The following APOB variants were observed in gnomAD, a reference collection of about 807,000 sequenced individuals.
APOB encodes apolipoprotein B.
APOB carries 153 observed loss-of-function variants against 314.1 expected under a neutral mutation model. The observed-to-expected ratio is 0.49, with a 90% CI of 0.43 to 0.56. The LOEUF is 0.56. APOB is among the 20% of genes least tolerant of loss of function. The pLI, the probability that APOB is intolerant of heterozygous loss-of-function variation, is 0.00. For synonymous variants in APOB, 2,087 were observed against 2,036.4 expected (o/e 1.02, Z -0.67); for missense variants, 5,430 against 5,350.7 (o/e 1.01, Z -0.46).
Position 21,019,749 on chromosome 2 carries a change from G to A in APOB, c.2973C>T (p.Ser991=). The change falls in exon 19 of 29, where the codon TCC becomes TCT. Residue 991 remains serine (S), a synonymous_variant. Coordinates refer to ENST00000233242, the MANE Select transcript of APOB (RefSeq NM_000384.3). ...TGGTGTCCCCGGTCAGCGGATAGTA[G>A]GAGGCGGAGTCTGTGGAGCTGGCGT... ...YSNASSTDSA[S]YYPLTGDTRL... The A allele has an allele frequency of 6.2e-7, 1 of 1,614,184 alleles. No homozygotes were observed. Among genetic ancestry groups the A allele is most frequent in the African/African-American group, 1.3e-5 (1 of 75,052 alleles).
At chr2:21,021,638 T>C (rs1663608216) in intron 18 of APOB, among the ~76,000 whole-genome samples, 1 of 152,192 alleles carries the variant, frequency 6.6e-6, no homozygotes, top group Non-Finnish European at 1.5e-5. Flanking sequence ...CCTTGAACCA[T>C]ATTCCTTTAC....
chr2:21,016,999 A>T (rs1189682225), intron 20 of APOB, among the ~76,000 whole-genome samples: 18 of 124,442 alleles, frequency 1.4e-4, no homozygotes, highest in Admixed American at 5.9e-4. Flanking sequence ...ATAAATAAAT[A>T]AATAAATAAA....
Position 21,010,981 on chromosome 2 carries a change from C to T in APOB, c.5887G>A (p.Ala1963Thr). ...HLVSRKSISA[A>T]LEHKVSALLT... ...AGGGCACTGACTTTGTGTTCAAGAG[C>T]TGCACTGATGCTTTTCCTAGACACG... Residue 1963 changes from alanine to threonine, a missense_variant, in exon 26 of 29, where the codon GCT becomes ACT. Transcript: ENST00000233242. The T allele has an allele frequency of 1.9e-6, 3 of 1,614,176 alleles. No individual in the cohort carries two copies. Among genetic ancestry groups the T allele is most frequent in the Non-Finnish European group, 2.5e-6 (3 of 1,180,034 alleles).
chr2:21,032,953 A>G (rs1365695995), intron 9 of APOB, among the ~76,000 whole-genome samples: 1 of 152,036 alleles, frequency 6.6e-6, no homozygotes, highest in Non-Finnish European at 1.5e-5. Context: ...GAGAAATCAT[A>G]TTATATTTTT....
intron 18 of APOB, among the ~76,000 whole-genome samples, chr2:21,020,571 C>T (rs541773803): frequency 2.0e-5 from 3 of 152,200 alleles, no homozygotes; most frequent in African/African-American, 4.8e-5. Flanking sequence ...CATAGAGTTG[C>T]GCACTCATGA....
At chr2:21,037,896 T>A in intron 5 of APOB, 62 bp downstream of exon 5, 1 of 1,586,486 alleles carries the variant, frequency 6.3e-7, no homozygotes, top group Non-Finnish European at 8.7e-7. Context: ...ATGGTAGGAC[T>A]GGTCTCTAAC....
chr2:21,010,144 C>T lies in APOB; in HGVS notation c.6724G>A (p.Gly2242Arg), dbSNP rs1254785290. 2 of 1,605,988 alleles carry T rather than the reference C, an allele frequency of 1.2e-6. No homozygotes were observed. Among genetic ancestry groups the T allele is most frequent in the East Asian group, 2.2e-5 (1 of 44,660 alleles). ...TGAATCCAGGATGCAGTACTACTTC[C>T]ACTTTTGTTAAAATCAATATTTTCA... ...FIENIDFNKS[G>R]SSTASWIQNV... Residue 2242 changes from glycine (G) to arginine (R), a missense_variant, in exon 26 of 29, where the codon GGA (glycine) becomes AGA (arginine). Around this residue, in one of 3 missense-constraint regions of APOB, gnomAD observed 3,281 missense variants for 3,171.0 expected, o/e 1.03. Coordinates refer to ENST00000233242, the MANE Select transcript of APOB (RefSeq NM_000384.3).
rs1441551559 is a variant in APOB at position 21,002,859 on chromosome 2, T to A, written c.12563A>T (p.His4188Leu). ...AAAATCAATGAGTGAGTCAATCAGA[T>A]GCTTGACTTTCATATGGAATTCTTG... Reference protein sequence around the residue: ...VTQEFHMKVKHLIDSLIDFLN... With the variant: ...VTQEFHMKVKLLIDSLIDFLN... The change falls in exon 29 of 29, where the codon CAT becomes CTT. Residue 4188 changes from histidine to leucine, a missense_variant. This residue lies in a region of APOB where 3,281 missense variants were observed against 3,171.0 expected (regional missense o/e 1.03). Coordinates refer to ENST00000233242, the MANE Select transcript of APOB (RefSeq NM_000384.3). The A allele has an allele frequency of 6.2e-7, 1 of 1,613,558 alleles. No individual in the cohort carries two copies. The highest frequency in any genetic ancestry group is 8.5e-7 in the Non-Finnish European group (1 of 1,179,820).
At position 21,008,286 on chromosome 2, in the gene APOB, T is replaced by G; in HGVS notation, c.8582A>C (p.His2861Pro). The G allele has an allele frequency of 6.2e-7, 1 of 1,613,758 alleles. No homozygotes were observed. The highest frequency in any genetic ancestry group is 8.5e-7 in the Non-Finnish European group (1 of 1,179,706). ...AAGCTCCAGTGTATTTTTTTCTGTGTGTAAACTTGCCACTGTGTTTGATTT... is the reference window on the plus strand; with the variant it reads ...AAGCTCCAGTGTATTTTTTTCTGTGGGTAAACTTGCCACTGTGTTTGATTT... Reference protein sequence around the residue: ...EGKSNTVASLHTEKNTLELSN... With the variant: ...EGKSNTVASLPTEKNTLELSN... Residue 2861 changes from histidine to proline, a missense_variant, in exon 26 of 29, where the codon CAC becomes CCC. Physicochemically the swap from His to Pro is moderately conservative, Grantham distance 77. This residue lies in a region of APOB where 3,281 missense variants were observed against 3,171.0 expected (regional missense o/e 1.03). Coordinates refer to ENST00000233242, the MANE Select transcript of APOB (RefSeq NM_000384.3).
chr2:21,009,365 A>G lies in APOB; in HGVS notation c.7503T>C (p.Ser2501=). 1 of 1,614,094 alleles carries G rather than the reference A, an allele frequency of 6.2e-7. No individual in the cohort carries two copies. Among genetic ancestry groups the G allele is most frequent in the Non-Finnish European group, 8.5e-7 (1 of 1,179,968 alleles). Residue 2501 remains serine (S), a synonymous_variant, in exon 26 of 29, where the codon AGT becomes AGC. Transcript: ENST00000233242. ...CCTTCATGTGAGCCAAAGATGCTGAACTTAAAGCCTCCTGTAACCAATTGA... is the reference window on the plus strand; with the variant it reads ...CCTTCATGTGAGCCAAAGATGCTGAGCTTAAAGCCTCCTGTAACCAATTGA... ...LIINWLQEAL[S]SASLAHMKAK...
chr2:21,014,352 TC>T (rs1262736787), intron 24 of APOB, 95 bp downstream of exon 24: 2 of 1,444,562 alleles, frequency 1.4e-6, no homozygotes, highest in Non-Finnish European at 1.9e-6. Flanking sequence ...TTAAATTATT[TC>T]CTTTAAAAAT....
Position 21,008,341 on chromosome 2 carries a change from T to G in APOB, c.8527A>C (p.Met2843Leu), listed in dbSNP as rs1294025132. ...KYLRTEHGSEMLFFGNAIEGK... is the reference protein window; with the variant it reads ...KYLRTEHGSELLFFGNAIEGK... ...TCAATAGCATTTCCAAAAAACAGCA[T>G]TTCACTCCCATGCTCCGTTCTCAGG... The change falls in exon 26 of 29, where the codon ATG becomes CTG. Residue 2843 changes from methionine (M) to leucine (L), a missense_variant. Physicochemically the swap from Met to Leu is conservative, Grantham distance 15. This residue lies in a region of APOB where 3,281 missense variants were observed against 3,171.0 expected (regional missense o/e 1.03). Coordinates refer to ENST00000233242, the MANE Select transcript of APOB (RefSeq NM_000384.3). 2.5e-6 allele frequency: 4 copies of G among 1,613,424 alleles called. No individual in the cohort carries two copies. The highest frequency in any genetic ancestry group is 2.2e-5 in the East Asian group (1 of 44,870).
At chr2:21,037,876 T>A in intron 5 of APOB, 82 bp downstream of exon 5, 1 of 1,545,422 alleles carries the variant, frequency 6.5e-7, no homozygotes, top group South Asian at 1.1e-5. Context: ...CTCAGTGATC[T>A]GCTTTGTATA....
Position 21,010,209 on chromosome 2 carries a change from A to G in APOB, c.6659T>C (p.Val2220Ala), listed in dbSNP as rs374736992. The change falls in exon 26 of 29, where the codon GTA (valine) becomes GCA (alanine). Residue 2220 changes from valine (V) to alanine (A), a missense_variant. This residue lies in a region of APOB where 3,281 missense variants were observed against 3,171.0 expected (regional missense o/e 1.03). Transcript: ENST00000233242. Reference protein sequence around the residue: ...KSLDEHYHIRVNLVKTIHDLH... With the variant: ...KSLDEHYHIRANLVKTIHDLH... The stretch of plus-strand genomic sequence containing the variant: ...ATCATGGATTGTTTTTACTAAATTT[A>G]CACGGATATGATAGTGCTCATCAAG... The G allele has an allele frequency of 6.2e-5, 99 of 1,592,362 alleles. No homozygotes were observed. Among genetic ancestry groups the G allele is most frequent in the Non-Finnish European group, 8.2e-5 (96 of 1,165,556 alleles).
chr2:21,027,601 C>G (rs1483338818), intron 14 of APOB, among the ~76,000 whole-genome samples: 2 of 152,178 alleles, frequency 1.3e-5, no homozygotes, highest in African/African-American at 4.8e-5. Context: ...GAGTGAGCCA[C>G]CTCGCCAGGC....
chr2:21,002,647 T>C lies in APOB; in HGVS notation c.12775A>G (p.Lys4259Glu). The change falls in exon 29 of 29, where the codon AAA (lysine) becomes GAA (glutamate). Residue 4259 changes from lysine to glutamate, a missense_variant. By Grantham distance (56) the Lys-to-Glu change is moderately conservative. This residue lies in a region of APOB where 3,281 missense variants were observed against 3,171.0 expected (regional missense o/e 1.03). Transcript: ENST00000233242. ...GAGATTACATCTATTAGTTTATGTT[T>C]CCTTAACTCGAAAGGAAGTGTAATC... ...LVITLPFELR[K>E]HKLIDVISMY... 1 of 1,613,900 alleles carries C rather than the reference T, an allele frequency of 6.2e-7. No homozygotes were observed. The highest frequency in any genetic ancestry group is 1.3e-5 in the African/African-American group (1 of 75,010).
At chr2:21,028,734 G>A (rs1663805327) in intron 12 of APOB, among the ~76,000 whole-genome samples, 196 bp from the exon 13 acceptor site, 1 of 152,186 alleles carries the variant, frequency 6.6e-6, no homozygotes, top group Non-Finnish European at 1.5e-5. Context: ...CCCAGAAAAA[G>A]CCTGTGGAAT....
At position 21,028,343 on chromosome 2, in the gene APOB, C is replaced by A; in HGVS notation, c.1813G>T (p.Glu605Ter). Residue 605 changes from glutamate to a stop codon, truncating the protein, a stop_gained, in exon 13 of 29, where the codon GAA (glutamate) becomes TAA (stop). Transcript: ENST00000233242. LOFTEE classifies it high-confidence loss of function. Reference sequence around the variant, plus strand: ...CTTACTTACTCTTGGATATCCAATTCTTCTGAGTTCAAGATATTGGCAATA... The same window carrying A: ...CTTACTTACTCTTGGATATCCAATTATTCTGAGTTCAAGATATTGGCAATA... ...SHIANILNSE[E>*]LDIQDLKKLV... 1 of 1,613,508 alleles carries A rather than the reference C, an allele frequency of 6.2e-7. No individual in the cohort carries two copies. Among genetic ancestry groups the A allele is most frequent in the Non-Finnish European group, 8.5e-7 (1 of 1,179,426 alleles).
chr2:21,038,139 A>G (rs1664051073), intron 4 of APOB, 28 bp from the exon 5 acceptor site: 6 of 1,612,928 alleles, frequency 3.7e-6, no homozygotes, highest in Non-Finnish European at 5.1e-6. Context: ...TGGTCACGGA[A>G]ATGTCCTTCT....
Sources: allele counts gnomAD v4.1 joint callset (sites outside exome capture counted in the v4.1 genomes callset), GRCh38; gene constraint gnomAD v4.1.1; regional missense constraint gnomAD v4.1.1; transcripts MANE v1.5; gene names NCBI Gene and HGNC (gene_info 2026-07-23, HGNC 2026-07-21).